PVT1: variants seen among roughly 807,000 people sequenced by gnomAD.
PVT1 encodes Pvt1 oncogene.
chr8:127,987,054 T>G (rs952224014), intron 3 of PVT1, among the ~76,000 whole-genome samples: 2 of 152,216 alleles, frequency 1.3e-5, no homozygotes, highest in Admixed American at 6.5e-5. Context: ...AACTTTAGTT[T>G]CCACATCTGT....
At chr8:127,868,804 T>C (rs1815319567) in intron 2 of PVT1, among the ~76,000 whole-genome samples, 1 of 121,968 alleles carries the variant, frequency 8.2e-6, no homozygotes, top group East Asian at 2.4e-4. Flanking sequence ...CATATATATG[T>C]ACATATATAT....
intron 2 of PVT1, among the ~76,000 whole-genome samples, chr8:127,799,995 G>A (rs1001925665): frequency 6.6e-6 from 1 of 152,176 alleles, no homozygotes; most frequent in African/African-American, 2.4e-5. Flanking sequence ...GAATCAAAGG[G>A]CTGTCCCTCG....
At chr8:128,067,855 G>A (rs1227144667) in intron 4 of PVT1, among the ~76,000 whole-genome samples, 1 of 152,124 alleles carries the variant, frequency 6.6e-6, no homozygotes, top group African/African-American at 2.4e-5. Flanking sequence ...AAGGATGGAA[G>A]AGACTGATCA....
intron 3 of PVT1, among the ~76,000 whole-genome samples, chr8:127,983,506 G>C (rs1296413908): frequency 6.6e-6 from 1 of 151,926 alleles, no homozygotes; most frequent in Non-Finnish European, 1.5e-5. Context: ...TTTAAAACTT[G>C]CAGAAAAAAA....
In PVT1 at chr8:128,082,392, C is replaced by G. The variant is rs549275934; in HGVS notation, n.1114+12031C>G. ...ATTTAGAGTTAGATGGACCTGCATT[C>G]GTATTCTGGAGCTGCCATATTGTCA... On this transcript the variant is annotated intron_variant and non_coding_transcript_variant, in intron 5 of 10. Transcript: ENST00000651587. Among the ~76,000 whole-genome samples, 9 of 152,274 alleles carry G rather than the reference C, an allele frequency of 5.9e-5. No individual in the cohort carries two copies. In the East Asian group the frequency reaches 1.7e-3, roughly 29 times the overall value.
At chr8:128,025,567 AAAGAATTTGCCATACTGCCTGCC>A (rs1302213838) in intron 4 of PVT1, among the ~76,000 whole-genome samples, 1 of 152,160 alleles carries the variant, frequency 6.6e-6, no homozygotes, top group African/African-American at 2.4e-5. Context: ...GCCACATCTG[AAAGAATTTGCCATACTGCCTGCC>A]TTTGATTAGA....
chr8:127,827,435 C>T (rs573775981), intron 2 of PVT1, among the ~76,000 whole-genome samples: 23 of 152,302 alleles, frequency 1.5e-4, no homozygotes, highest in African/African-American at 5.5e-4. Context: ...CTCTGGTTCA[C>T]CCCCTGGGGC....
intron 3 of PVT1, among the ~76,000 whole-genome samples, chr8:127,899,059 G>A (rs1815726382): frequency 6.6e-6 from 1 of 152,206 alleles, no homozygotes; most frequent in Non-Finnish European, 1.5e-5. Context: ...AATAAACACT[G>A]GCTGGCCCCC....
chr8:128,055,362 C>T (rs1813750740), intron 4 of PVT1, among the ~76,000 whole-genome samples: 1 of 152,158 alleles, frequency 6.6e-6, no homozygotes, highest in African/African-American at 2.4e-5. Flanking sequence ...GGGTAAGTTA[C>T]TTAACTTTTC....
Position 127,881,643 on chromosome 8 carries a change from G to A in PVT1, n.373-8946G>A, listed in dbSNP as rs117423716. Among the ~76,000 whole-genome samples the A allele has an allele frequency of 9.7e-3, 1,469 of 151,888 alleles. 27 individuals are homozygous for A. The highest frequency in any genetic ancestry group is 0.012 in the South Asian group (58 of 4,790). On this transcript the variant is annotated intron_variant and non_coding_transcript_variant, in intron 2 of 10. Transcript: ENST00000651587. Reference sequence around the variant, plus strand: ...AGCTAATTTTTGTATTTTTGGTAGCGATGGAGTTTCAACATGTTAGTTAGG... The same window carrying A: ...AGCTAATTTTTGTATTTTTGGTAGCAATGGAGTTTCAACATGTTAGTTAGG...
chr8:127,871,235 A>G (rs1368576202), intron 2 of PVT1, among the ~76,000 whole-genome samples: 2 of 152,230 alleles, frequency 1.3e-5, no homozygotes, highest in Non-Finnish European at 2.9e-5. Context: ...CGTATAAGTG[A>G]CACTCCTCCA....
intron 4 of PVT1, among the ~76,000 whole-genome samples, chr8:128,006,140 AATAATAAT>A (rs1563663887): frequency 8.4e-5 from 12 of 142,274 alleles, no homozygotes; most frequent in African/African-American, 3.2e-4. Flanking sequence ...TAATAATAAT[AATAATAAT>A]AAAAAGATAA....
intron 3 of PVT1, among the ~76,000 whole-genome samples, chr8:127,960,118 A>G (rs1281266333): frequency 6.6e-6 from 1 of 152,190 alleles, no homozygotes; most frequent in East Asian, 1.9e-4. Flanking sequence ...CTCTTTTGCT[A>G]GAAGGGATCG....
intron 4 of PVT1, among the ~76,000 whole-genome samples, chr8:128,032,776 C>T (rs1473831186): frequency 2.6e-5 from 4 of 152,164 alleles, no homozygotes; most frequent in Admixed American, 1.3e-4. Context: ...CTGTGTCTTT[C>T]GTCTCCTTCT....
rs540982758 is a variant in PVT1 at position 128,037,820 on chromosome 8, C to T, written n.913-32340C>T. On this transcript the variant is annotated intron_variant and non_coding_transcript_variant, in intron 4 of 10. Coordinates refer to ENST00000651587, the Ensembl canonical transcript of PVT1. ...CATTTAGTTCAGTGCCTTTCCTGGG[C>T]TTGGTGGGCAGGTGAGGGTGCAAAG... Among the ~76,000 whole-genome samples the T allele has an allele frequency of 1.7e-4, 26 of 152,326 alleles. No homozygotes were observed. The South Asian group carries it at 4.6e-3, about 27-fold the overall frequency.
chr8:127,863,947 T>A (rs1339104685), intron 2 of PVT1, among the ~76,000 whole-genome samples: 2 of 152,206 alleles, frequency 1.3e-5, no homozygotes, highest in African/African-American at 4.8e-5. Context: ...GCATCACTGA[T>A]TCCAGGTTAT....
chr8:127,931,725 G>A (rs1436721447), intron 3 of PVT1, among the ~76,000 whole-genome samples: 1 of 152,216 alleles, frequency 6.6e-6, no homozygotes, highest in African/African-American at 2.4e-5. Context: ...TGAGGCCATG[G>A]GAATTGATTT....
At chr8:127,874,903 GGTGTGTGTGT>G (rs112419227) in intron 2 of PVT1, among the ~76,000 whole-genome samples, 2 of 145,816 alleles carry the variant, frequency 1.4e-5, no homozygotes, top group East Asian at 4.0e-4. Context: ...TTGGCCTCCA[GGTGTGTGTGT>G]GTGTGTGTGT....
intron 4 of PVT1, among the ~76,000 whole-genome samples, chr8:128,053,582 TA>T (rs1340878849): frequency 1.2e-4 from 19 of 152,158 alleles, no homozygotes; most frequent in Non-Finnish European, 1.5e-4. Flanking sequence ...TTTGTTTTAC[TA>T]GAGATGTTAC....
Sources: allele counts gnomAD v4.1 joint callset (sites outside exome capture counted in the v4.1 genomes callset), GRCh38; gene constraint gnomAD v4.1.1; transcripts MANE v1.5; gene names NCBI Gene and HGNC (gene_info 2026-07-23, HGNC 2026-07-21).